Variants in STXBP5L observed in about 807,000 individuals in gnomAD.
The protein encoded by STXBP5L is syntaxin-binding protein 5-like.
A neutral mutation model predicts 144.5 loss-of-function variants in STXBP5L; 65 were observed. The observed-to-expected ratio is 0.45, with a 90% CI of 0.37 to 0.55. STXBP5L has a LOEUF of 0.55. STXBP5L is among the 20% of genes least tolerant of loss of function. STXBP5L has a pLI of 0.00. For missense variants in STXBP5L, 1,298 were observed against 1,405.5 expected, an observed-to-expected ratio of 0.92 and a Z score of 1.22; for synonymous variants, 505 against 469.6, an observed-to-expected ratio of 1.08 and a Z score of -0.97.
At chr3:121,418,129 A>G (rs2047281574) in intron 25 of STXBP5L, among the ~76,000 whole-genome samples, 2 of 152,244 alleles carry the variant, frequency 1.3e-5, no homozygotes, top group African/African-American at 4.8e-5. Flanking sequence ...CAAAAGGCCT[A>G]TGATAACAAT....
In STXBP5L at chr3:121,010,135, T is replaced by A. The variant is rs79268283; in HGVS notation, c.288-31565T>A. 4.9e-4 allele frequency among the ~76,000 whole-genome samples: 74 copies of A among 151,992 alleles called. No individual in the cohort carries two copies. In the East Asian group the frequency reaches 0.014, roughly 29 times the overall value. On this transcript the variant is annotated intron_variant, in intron 3 of 26. Coordinates refer to ENST00000471454, the MANE Select transcript of STXBP5L (RefSeq NM_001308330.2). ...CAGACCTATTAATTAATTGGGCATATGGGGGGCCATGATAGTGTTTTAAGT... is the reference window on the plus strand; with the variant it reads ...CAGACCTATTAATTAATTGGGCATAAGGGGGGCCATGATAGTGTTTTAAGT...
intron 3 of STXBP5L, among the ~76,000 whole-genome samples, chr3:120,958,194 C>T (rs1343839657): frequency 2.0e-5 from 3 of 152,146 alleles, no homozygotes; most frequent in African/African-American, 7.2e-5. Context: ...TACACCCTCC[C>T]AAGACTAAAC....
chr3:120,986,960 G>A (rs1049814822), intron 3 of STXBP5L, among the ~76,000 whole-genome samples: 1 of 151,840 alleles, frequency 6.6e-6, no homozygotes, highest in Non-Finnish European at 1.5e-5. Flanking sequence ...ACCATCAAGT[G>A]GACCAACATG....
intron 12 of STXBP5L, among the ~76,000 whole-genome samples, chr3:121,238,281 G>T (rs965753195): frequency 5.9e-5 from 9 of 152,116 alleles, no homozygotes; most frequent in African/African-American, 2.2e-4. Context: ...GGTGAAGCGG[G>T]GCTGAGCTGG....
rs561587862 is a variant in STXBP5L at position 120,974,857 on chromosome 3, A to G, written c.287+19820A>G. 2.6e-3 allele frequency among the ~76,000 whole-genome samples: 394 copies of G among 152,156 alleles called. 1 individual carries two copies. The highest frequency in any genetic ancestry group is 9.2e-3 in the African/African-American group (380 of 41,506). On this transcript the variant is annotated intron_variant, in intron 3 of 26. Coordinates refer to ENST00000471454, the MANE Select transcript of STXBP5L (RefSeq NM_001308330.2). ...TGTCAAAGATCAGATAGTTGTAGAT[A>G]TGCGGTGTTATTTCTGAGGGCTCTG...
intron 18 of STXBP5L, among the ~76,000 whole-genome samples, chr3:121,260,949 G>C (rs2050363786): frequency 6.6e-6 from 1 of 152,140 alleles, no homozygotes; most frequent in Non-Finnish European, 1.5e-5. Context: ...TGATGGGAGA[G>C]AAGGAATGGA....
intron 10 of STXBP5L, among the ~76,000 whole-genome samples, chr3:121,222,458 T>G (rs1204962748): frequency 6.6e-6 from 1 of 152,150 alleles, no homozygotes; most frequent in African/African-American, 2.4e-5. Flanking sequence ...TCTTACATAT[T>G]AGCTTTCTCC....
intron 3 of STXBP5L, among the ~76,000 whole-genome samples, chr3:121,030,926 G>C (rs1946323641): frequency 6.6e-6 from 1 of 152,114 alleles, no homozygotes; most frequent in South Asian, 2.1e-4. Flanking sequence ...CTTACTGGGA[G>C]AGCTGGAAAA....
intron 3 of STXBP5L, among the ~76,000 whole-genome samples, chr3:121,030,331 A>G (rs1336813705): frequency 6.6e-6 from 1 of 152,146 alleles, no homozygotes; most frequent in Non-Finnish European, 1.5e-5. Context: ...CATATATACC[A>G]TGGAATATTA....
chr3:120,914,956 T>C lies in STXBP5L; in HGVS notation c.189+5189T>C, dbSNP rs150404230. On this transcript the variant is annotated intron_variant, in intron 2 of 26. Coordinates refer to ENST00000471454, the MANE Select transcript of STXBP5L (RefSeq NM_001308330.2). The stretch of plus-strand genomic sequence containing the variant: ...TTTGCTTATCCTGAGAGCATAAGGG[T>C]GTAGGGGCAGGCTTGAGTAAAGGAT... Among the ~76,000 whole-genome samples, 689 of 151,912 alleles carry C rather than the reference T, an allele frequency of 4.5e-3. 4 individuals are homozygous for C. The highest frequency in any genetic ancestry group is 0.016 in the African/African-American group (657 of 41,436).
intron 5 of STXBP5L, among the ~76,000 whole-genome samples, chr3:121,109,555 G>A (rs905947948): frequency 3.9e-5 from 6 of 152,106 alleles, no homozygotes; most frequent in African/African-American, 7.2e-5. Flanking sequence ...TTAATCTTGA[G>A]TTCTAATTTG....
intron 5 of STXBP5L, among the ~76,000 whole-genome samples, chr3:121,051,222 G>C (rs1358655936): frequency 6.6e-6 from 1 of 152,116 alleles, no homozygotes; most frequent in African/African-American, 2.4e-5. Flanking sequence ...ACTCAGCTCT[G>C]CACCAAGCAG....
chr3:121,232,897 A>G (rs2049353188), intron 11 of STXBP5L, among the ~76,000 whole-genome samples: 1 of 152,144 alleles, frequency 6.6e-6, no homozygotes, highest in Non-Finnish European at 1.5e-5. Context: ...CCCTGGTGTG[A>G]TACCAGGGCT....
At chr3:120,983,100 G>C (rs867961310) in intron 3 of STXBP5L, among the ~76,000 whole-genome samples, 1 of 152,178 alleles carries the variant, frequency 6.6e-6, no homozygotes, top group Non-Finnish European at 1.5e-5. Flanking sequence ...AGTGGTAGTG[G>C]TATCTGTCCT....
At chr3:121,407,817 C>A in intron 23 of STXBP5L, 1 of 623,424 alleles carries the variant, frequency 1.6e-6, no homozygotes, top group Non-Finnish European at 2.7e-6. Flanking sequence ...AAATGCTTGG[C>A]ATTGTGAGTG....
intron 7 of STXBP5L, among the ~76,000 whole-genome samples, chr3:121,140,289 G>T (rs1450154490): frequency 6.6e-6 from 1 of 152,024 alleles, no homozygotes; most frequent in South Asian, 2.1e-4. Context: ...TGGAGAGAAG[G>T]TAATGTAAAT....
intron 3 of STXBP5L, among the ~76,000 whole-genome samples, chr3:120,983,847 C>T (rs755729807): frequency 1.8e-4 from 28 of 152,182 alleles, no homozygotes; most frequent in Non-Finnish European, 2.9e-5. Flanking sequence ...CTCTCTTAGA[C>T]AATCCATTCA....
At chr3:121,235,137 T>A (rs1238060125) in intron 12 of STXBP5L, among the ~76,000 whole-genome samples, 1 of 152,080 alleles carries the variant, frequency 6.6e-6, no homozygotes, top group African/African-American at 2.4e-5. Context: ...TTGCAAGTTT[T>A]CATCTAACAT....
At chr3:121,298,968 TG>T (rs914647483) in intron 19 of STXBP5L, among the ~76,000 whole-genome samples, 9 of 152,314 alleles carry the variant, frequency 5.9e-5, no homozygotes, top group Admixed American at 3.9e-4. Context: ...TAAGTGTCTT[TG>T]GGGTTCTTCT....
Sources: allele counts gnomAD v4.1 joint callset (sites outside exome capture counted in the v4.1 genomes callset), GRCh38; gene constraint gnomAD v4.1.1; transcripts MANE v1.5; gene names NCBI Gene and HGNC (gene_info 2026-07-23, HGNC 2026-07-21).